COL21A1: variants seen among roughly 807,000 people sequenced by gnomAD.
COL21A1 encodes collagen alpha-1(XXI) chain.
A neutral mutation model predicts 137.9 loss-of-function variants in COL21A1; 149 were observed. That is an observed-to-expected ratio of 1.08 (90% CI 0.95 to 1.24). The LOEUF is 1.24. Among genes scored for constraint, COL21A1 ranks in the 50% most tolerant of loss-of-function variants. The pLI, the probability that COL21A1 is intolerant of heterozygous loss-of-function variation, is 0.00. For synonymous variants in COL21A1, 456 were observed against 391.5 expected (o/e 1.16, Z -1.95); for missense variants, 1,167 against 1,158.4 (o/e 1.01, Z -0.11).
chr6:56,277,303 A>G (rs1417666917), intron 1 of COL21A1, among the ~76,000 whole-genome samples: 1 of 151,710 alleles, frequency 6.6e-6, no homozygotes, highest in African/African-American at 2.4e-5. Flanking sequence ...ACTCCCCTCA[A>G]CCCACGACAG....
Position 56,171,134 on chromosome 6 carries a change from A to C in COL21A1, c.641-6T>G. 6.4e-7 allele frequency: 1 copy of C among 1,569,980 alleles called. No individual in the cohort carries two copies. Among genetic ancestry groups the C allele is most frequent in the South Asian group, 1.2e-5 (1 of 83,800 alleles). On this transcript the variant is annotated splice_polypyrimidine_tract_variant and splice_region_variant and intron_variant, in intron 3 of 29. Coordinates refer to ENST00000244728, the MANE Select transcript of COL21A1 (RefSeq NM_030820.4). The stretch of plus-strand genomic sequence containing the variant: ...TCGTGTTGGACAGACAGATTCTATA[A>C]AGCAAAAGCAATAAAAGTTGGTTAA...
At chr6:56,295,127 T>C (rs1199614441) in intron 1 of COL21A1, among the ~76,000 whole-genome samples, 1 of 152,018 alleles carries the variant, frequency 6.6e-6, no homozygotes, top group Non-Finnish European at 1.5e-5. Context: ...GGTCTGTGTT[T>C]GGAATCTTTT....
chr6:56,329,641 G>A (rs1293211417), intron 1 of COL21A1, among the ~76,000 whole-genome samples: 3 of 151,968 alleles, frequency 2.0e-5, no homozygotes, highest in South Asian at 2.1e-4. Flanking sequence ...GCAATATGCC[G>A]AGATAGTCCC....
At chr6:56,138,222 G>A (rs144762214) in intron 12 of COL21A1, among the ~76,000 whole-genome samples, 46 of 151,678 alleles carry the variant, frequency 3.0e-4, no homozygotes, top group Non-Finnish European at 5.2e-4. Flanking sequence ...TTTTAGAAAA[G>A]AGGTTGTGCA....
intron 17 of COL21A1, among the ~76,000 whole-genome samples, chr6:56,088,410 G>T (rs777257488): frequency 2.0e-5 from 3 of 152,126 alleles, no homozygotes; most frequent in Non-Finnish European, 4.4e-5. Flanking sequence ...GTGTCTATTA[G>T]TATGCCTTTC....
At chr6:56,087,547 T>A (rs1263982235) in intron 17 of COL21A1, among the ~76,000 whole-genome samples, 1 of 152,194 alleles carries the variant, frequency 6.6e-6, no homozygotes, top group Non-Finnish European at 1.5e-5. Context: ...AAAGCATTGA[T>A]GGAACCAATC....
intron 1 of COL21A1, among the ~76,000 whole-genome samples, chr6:56,367,170 C>T (rs1766119646): frequency 6.6e-6 from 1 of 152,168 alleles, no homozygotes; most frequent in South Asian, 2.1e-4. Context: ...TGCCATTATT[C>T]ACTGATTACT....
intron 9 of COL21A1, among the ~76,000 whole-genome samples, chr6:56,157,517 G>T (rs1464577961): frequency 1.3e-5 from 2 of 151,966 alleles, no homozygotes; most frequent in African/African-American, 4.8e-5. Flanking sequence ...CACCATGTTT[G>T]CCAGTCTGGT....
At chr6:56,324,043 G>A (rs1482124614) in intron 1 of COL21A1, among the ~76,000 whole-genome samples, 1 of 152,016 alleles carries the variant, frequency 6.6e-6, no homozygotes, top group Admixed American at 6.6e-5. Context: ...ATAATGGTTT[G>A]TGCTCTTGGG....
intron 1 of COL21A1, among the ~76,000 whole-genome samples, chr6:56,291,336 A>G (rs533715989): frequency 6.6e-6 from 1 of 152,186 alleles, no homozygotes; most frequent in Non-Finnish European, 1.5e-5. Context: ...GGGCAAGGTG[A>G]AGTTCATTTT....
intron 12 of COL21A1, among the ~76,000 whole-genome samples, chr6:56,130,439 T>C (rs191802184): frequency 2.0e-5 from 3 of 151,952 alleles, no homozygotes; most frequent in South Asian, 2.1e-4. Context: ...ATACTATTAA[T>C]AAGATGGAAT....
chr6:56,089,992 A>G (rs1021080639), intron 17 of COL21A1, among the ~76,000 whole-genome samples: 1 of 152,224 alleles, frequency 6.6e-6, no homozygotes, highest in Non-Finnish European at 1.5e-5. Flanking sequence ...CTGTAATCCC[A>G]GCACTTTGGG....
At chr6:56,316,816 A>G (rs994816037) in intron 1 of COL21A1, among the ~76,000 whole-genome samples, 6 of 152,130 alleles carry the variant, frequency 3.9e-5, no homozygotes, top group Non-Finnish European at 8.8e-5. Flanking sequence ...AAGGAAATAT[A>G]GTTTTATAAA....
At chr6:56,349,334 A>T (rs1012663407) in intron 1 of COL21A1, among the ~76,000 whole-genome samples, 1 of 123,498 alleles carries the variant, frequency 8.1e-6, no homozygotes, top group Non-Finnish European at 1.7e-5. Flanking sequence ...AACCATAAAG[A>T]CCCGCCCCCC....
At chr6:56,285,174 A>G (rs1461974430) in intron 1 of COL21A1, among the ~76,000 whole-genome samples, 1 of 152,162 alleles carries the variant, frequency 6.6e-6, no homozygotes, top group Admixed American at 6.5e-5. Flanking sequence ...GGCATTATTC[A>G]TCTTCATATC....
chr6:56,328,841 A>G (rs1332170838), intron 1 of COL21A1, among the ~76,000 whole-genome samples: 2 of 152,104 alleles, frequency 1.3e-5, no homozygotes, highest in Non-Finnish European at 2.9e-5. Flanking sequence ...TCAAGCTCAC[A>G]GACGGTCATT....
At chr6:56,281,868 G>A (rs1763793111) in intron 1 of COL21A1, among the ~76,000 whole-genome samples, 1 of 152,130 alleles carries the variant, frequency 6.6e-6, no homozygotes, top group Non-Finnish European at 1.5e-5. Context: ...ATCACCACAA[G>A]AAGAAGTTGT....
At chr6:56,383,137 G>T (rs2094011563) in intron 1 of COL21A1, among the ~76,000 whole-genome samples, 2 of 152,152 alleles carry the variant, frequency 1.3e-5, no homozygotes, top group African/African-American at 2.4e-5. Flanking sequence ...CACAGTTCTG[G>T]AGGCTGGAAG....
At chr6:56,275,916 T>A (rs1257544427) in intron 1 of COL21A1, among the ~76,000 whole-genome samples, 1 of 152,162 alleles carries the variant, frequency 6.6e-6, no homozygotes, top group Non-Finnish European at 1.5e-5. Context: ...AAAATATACA[T>A]GTATGTGTAT....
Sources: allele counts gnomAD v4.1 joint callset (sites outside exome capture counted in the v4.1 genomes callset), GRCh38; gene constraint gnomAD v4.1.1; transcripts MANE v1.5; gene names NCBI Gene and HGNC (gene_info 2026-07-23, HGNC 2026-07-21).